IGF1: variants seen among roughly 807,000 people sequenced by gnomAD.
IGF1 encodes the protein insulin like growth factor 1.
IGF1 carries 4 observed loss-of-function variants against 13.8 expected under a neutral mutation model. The observed-to-expected ratio is 0.29, with a 90% CI of 0.14 to 0.66. The LOEUF (loss-of-function observed/expected upper bound fraction) is 0.66, where lower values mean the gene tolerates loss of function less well. Ranked by LOEUF, IGF1 falls within the 30% of genes least tolerant of loss-of-function variation. The pLI, the probability that IGF1 is intolerant of heterozygous loss-of-function variation, is 0.78. For synonymous variants in IGF1, 76 were observed against 72.6 expected (o/e 1.05, Z -0.23); for missense variants, 124 against 188.5 (o/e 0.66, Z 2.00).
chr12:102,470,419 G>T (rs559946452), intron 2 of IGF1, among the ~76,000 whole-genome samples: 11 of 152,292 alleles, frequency 7.2e-5, no homozygotes, highest in Middle Eastern at 6.8e-3. Flanking sequence ...TTCTAATTTT[G>T]CATCATTTTC....
intron 2 of IGF1, among the ~76,000 whole-genome samples, chr12:102,467,551 A>G (rs1880414696): frequency 6.6e-6 from 1 of 152,216 alleles, no homozygotes; most frequent in Admixed American, 6.5e-5. Flanking sequence ...AAGTGGACGG[A>G]ATGCCCAAAG....
At chr12:102,415,588 T>C (rs975059084) in intron 3 of IGF1, 1 of 147,462 alleles carries the variant, frequency 6.8e-6, no homozygotes, top group Non-Finnish European at 1.5e-5. Context: ...CCTTCCTTCC[T>C]TCCTTCCTTC....
chr12:102,479,967 C>A (rs1881304410), intron 1 of IGF1, among the ~76,000 whole-genome samples: 1 of 88,696 alleles, frequency 1.1e-5, no homozygotes, highest in South Asian at 4.9e-4. Flanking sequence ...AACATCTGCA[C>A]CTGCAAAAGA....
At chr12:102,466,884 C>G (rs1055473141) in intron 2 of IGF1, among the ~76,000 whole-genome samples, 1 of 152,072 alleles carries the variant, frequency 6.6e-6, no homozygotes, top group Non-Finnish European at 1.5e-5. Context: ...CTAGCCTGAG[C>G]AATGGACTGA....
intron 2 of IGF1, among the ~76,000 whole-genome samples, chr12:102,449,568 C>A (rs772145114): frequency 6.6e-6 from 1 of 150,880 alleles, no homozygotes; most frequent in Non-Finnish European, 1.5e-5. Flanking sequence ...TATGATACCC[C>A]ATTGCTACGG....
rs76196215 is a variant in IGF1, at chr12:102,409,215, C to T, written c.403-6649G>A. ...CAGGAGAGTCTACTGTTTAGAAAAA[C>T]CTTGAACCTAATTGTTAGCACCATC... On this transcript the variant is annotated intron_variant, in intron 3 of 3. Transcript: ENST00000337514. Among the ~76,000 whole-genome samples the T allele has an allele frequency of 2.2e-3, 336 of 152,300 alleles. 1 individual carries two copies. Among genetic ancestry groups the T allele is most frequent in the African/African-American group, 7.7e-3 (319 of 41,568 alleles).
chr12:102,411,336 G>GA (rs1874620304), intron 3 of IGF1, among the ~76,000 whole-genome samples: 1 of 152,134 alleles, frequency 6.6e-6, no homozygotes, highest in African/African-American at 2.4e-5. Flanking sequence ...AACCTGCCAT[G>GA]GTCTTGCTCC....
At chr12:102,430,033 G>C (rs892775932) in intron 2 of IGF1, among the ~76,000 whole-genome samples, 1 of 152,168 alleles carries the variant, frequency 6.6e-6, no homozygotes, top group South Asian at 2.1e-4. Flanking sequence ...ACTGGGCCAG[G>C]ATAACTGCTT....
chr12:102,464,809 C>G (rs920870479), intron 2 of IGF1, among the ~76,000 whole-genome samples: 12 of 152,100 alleles, frequency 7.9e-5, no homozygotes, highest in African/African-American at 2.4e-4. Flanking sequence ...CTTGAGAGTG[C>G]GAAGATACTT....
chr12:102,461,080 G>T (rs1387480444), intron 2 of IGF1, among the ~76,000 whole-genome samples: 1 of 152,196 alleles, frequency 6.6e-6, no homozygotes, highest in Non-Finnish European at 1.5e-5. Flanking sequence ...TTATTTAGTG[G>T]TAGAGTTCTG....
rs775506745 is a variant in IGF1 at position 102,402,336 on chromosome 12, C to T, written c.*171G>A. ...CATTTTTGCAAGGTGCAAATCACTC[C>T]TAAAGACAATGTTGGAATGTTTACT... On this transcript the variant is annotated 3_prime_UTR_variant, in exon 4 of 4. Transcript: ENST00000337514. 2.0e-5 allele frequency: 14 copies of T among 696,756 alleles called. No individual in the cohort carries two copies. Among genetic ancestry groups the T allele is most frequent in the Non-Finnish European group, 3.4e-5 (13 of 378,102 alleles). The allele number at this position is 696,756 out of a possible 1,614,324, so 43.2% of individuals were successfully genotyped here.
intron 2 of IGF1, among the ~76,000 whole-genome samples, chr12:102,424,249 T>G (rs1876008509): frequency 2.0e-5 from 3 of 152,172 alleles, no homozygotes; most frequent in South Asian, 4.1e-4. Context: ...CTTTTTTTTT[T>G]TTTTTGAAAG....
intron 2 of IGF1, among the ~76,000 whole-genome samples, chr12:102,434,685 TG>T (rs1877067609): frequency 6.6e-6 from 1 of 152,126 alleles, no homozygotes; most frequent in East Asian, 1.9e-4. Flanking sequence ...CTGGGTCAAA[TG>T]GTATTTCTAG....
intron 3 of IGF1, among the ~76,000 whole-genome samples, chr12:102,415,479 T>C (rs533188809): frequency 6.6e-6 from 1 of 152,276 alleles, no homozygotes; most frequent in East Asian, 1.9e-4. Context: ...AAGAACTGTC[T>C]TATAGTACAT....
At chr12:102,444,522 T>A (rs753884741) in intron 2 of IGF1, among the ~76,000 whole-genome samples, 2 of 152,052 alleles carry the variant, frequency 1.3e-5, no homozygotes, top group Non-Finnish European at 2.9e-5. Context: ...GTAAGTTCAT[T>A]CAACAAAGTT....
chr12:102,455,420 T>TTA (rs1190080269), intron 2 of IGF1, among the ~76,000 whole-genome samples: 2 of 152,234 alleles, frequency 1.3e-5, no homozygotes, highest in African/African-American at 4.8e-5. Context: ...TCTTTATGAG[T>TTA]TAGAACCCAG....
At chr12:102,427,989 TC>T (rs1019371437) in intron 2 of IGF1, among the ~76,000 whole-genome samples, 16 of 151,916 alleles carry the variant, frequency 1.1e-4, no homozygotes, top group Non-Finnish European at 1.8e-4. Context: ...GGGGAATGTT[TC>T]TATAGCACCT....
At chr12:102,438,883 A>G (rs1410585936) in intron 2 of IGF1, among the ~76,000 whole-genome samples, 1 of 152,200 alleles carries the variant, frequency 6.6e-6, no homozygotes, top group African/African-American at 2.4e-5. Context: ...CAAAGGCAGT[A>G]CCATCCTCAG....
At chr12:102,402,909 C>A (rs952095304) in intron 3 of IGF1, among the ~76,000 whole-genome samples, 6 of 152,094 alleles carry the variant, frequency 3.9e-5, no homozygotes, top group Non-Finnish European at 5.9e-5. Flanking sequence ...AGATCCTTTC[C>A]TAGTAAGAAA....
Sources: gnomAD v4.1 joint callset for allele counts (sites outside exome capture counted in the v4.1 genomes callset) on GRCh38, gnomAD v4.1.1 for gene constraint, MANE v1.5 for transcripts, NCBI Gene and HGNC (gene_info 2026-07-23, HGNC 2026-07-21) for gene names.